The following MARK4 variants were observed in gnomAD, a reference collection of about 807,000 sequenced individuals.
MARK4 encodes the protein MAP/microtubule affinity-regulating kinase 4.
MARK4 carries 19 observed loss-of-function variants against 81.5 expected under a neutral mutation model. The ratio of observed to expected loss-of-function variants is 0.23; its 90% CI spans 0.16 to 0.34. MARK4 has a LOEUF of 0.34. Among genes scored for constraint, MARK4 ranks in the 10% least tolerant of loss-of-function variants. The pLI is 1.00. For missense variants in MARK4, 772 were observed against 1,058.8 expected (o/e 0.73, Z 3.76); for synonymous variants, 436 against 439.0 (o/e 0.99, Z 0.08).
intron 7 of MARK4, among the ~76,000 whole-genome samples, chr19:45,266,506 G>C (rs1970455960): frequency 6.6e-6 from 1 of 152,232 alleles, no homozygotes; most frequent in African/African-American, 2.4e-5. Context: ...GGGACAGGAG[G>C]AGTGAACAAA....
rs1314761401 is a variant in MARK4, at chr19:45,264,679, T to G, written c.356-5T>G. ...AATGCCCTACACTGTTCCCAACCAT[T>G]ATAGTGAAGCTCTTTGAGGTGATTG... On this transcript the variant is annotated splice_region_variant and splice_polypyrimidine_tract_variant and intron_variant, in intron 4 of 16. Coordinates refer to ENST00000262891, the MANE Select transcript of MARK4 (RefSeq NM_001199867.2). The G allele has an allele frequency of 6.2e-7, 1 of 1,613,924 alleles. No individual in the cohort carries two copies. Among genetic ancestry groups the G allele is most frequent in the Non-Finnish European group, 8.5e-7 (1 of 1,179,958 alleles).
At position 45,302,513 on chromosome 19, in the gene MARK4, T is replaced by G; in HGVS notation, c.2062T>G (p.Cys688Gly). Residue 688 changes from cysteine to glycine, a missense_variant, in exon 17 of 17, where the codon TGC (cysteine) becomes GGC (glycine). Cys to Gly is a radical substitution (Grantham distance 159, BLOSUM62 -3). Around this residue, in one of 3 missense-constraint regions of MARK4, gnomAD observed 548 missense variants for 624.3 expected, o/e 0.88. Coordinates refer to ENST00000262891, the MANE Select transcript of MARK4 (RefSeq NM_001199867.2). The surrounding 1 kb of genome is among the most constrained non-coding windows in gnomAD (Gnocchi z 4.9). ...GGCCACAGCAGCCGCCCGCTGCCGCTGCCGCCAGCCACAGCCGTTCCTGCT... is the reference window on the plus strand; with the variant it reads ...GGCCACAGCAGCCGCCCGCTGCCGCGGCCGCCAGCCACAGCCGTTCCTGCT... The part of the protein sequence containing the change: ...RQATAAARCR[C>G]RQPQPFLLAC... 1 of 1,601,068 alleles carries G rather than the reference T, an allele frequency of 6.2e-7. No individual in the cohort carries two copies. The highest frequency in any genetic ancestry group is 8.5e-7 in the Non-Finnish European group (1 of 1,178,674).
intron 4 of MARK4, among the ~76,000 whole-genome samples, chr19:45,263,992 A>G: frequency 6.6e-6 from 1 of 152,154 alleles, no homozygotes; most frequent in East Asian, 1.9e-4. Context: ...CACTGTCATT[A>G]TCATTGGGCA....
Position 45,280,626 on chromosome 19 carries a change from C to T in MARK4, c.1168C>T (p.Pro390Ser), listed in dbSNP as rs1399365099. Residue 390 changes from proline (P) to serine (S), a missense_variant, in exon 12 of 17, where the codon CCC becomes TCC. Pro to Ser is a moderately conservative substitution (Grantham distance 74). Around this residue, in one of 3 missense-constraint regions of MARK4, gnomAD observed 548 missense variants for 624.3 expected, o/e 0.88. Transcript: ENST00000262891. ...GCTGGCCCTGGCACGGGTGCGGGCG[C>T]CCAGCGACACCACCAACGGAACAAG... ...PGLALARVRA[P>S]SDTTNGTSSS... The T allele has an allele frequency of 1.2e-6, 2 of 1,613,950 alleles. No homozygotes were observed. The highest frequency in any genetic ancestry group is 1.7e-6 in the Non-Finnish European group (2 of 1,179,982).
intron 16 of MARK4, among the ~76,000 whole-genome samples, chr19:45,300,399 C>T (rs1287385130): frequency 1.4e-5 from 2 of 139,954 alleles, no homozygotes; most frequent in Non-Finnish European, 3.1e-5. Flanking sequence ...CTCAACTCCT[C>T]TTCTGGTCAA....
chr19:45,253,700 T>C (rs1011845449), intron 1 of MARK4, among the ~76,000 whole-genome samples: 3 of 152,032 alleles, frequency 2.0e-5, no homozygotes, highest in Non-Finnish European at 4.4e-5. Flanking sequence ...GGCCCCCCAC[T>C]GTTAGGGATG....
At position 45,300,799 on chromosome 19, in the gene MARK4, C is replaced by G. The variant is rs971017892; in HGVS notation, c.1922+944C>G. ...CACATGCTCATTCCTAAACCAATGC[C>G]TGCAGCCAGAGAGGAGAAGTACTCT... On this transcript the variant is annotated intron_variant, in intron 16 of 16. Coordinates refer to ENST00000262891, the MANE Select transcript of MARK4 (RefSeq NM_001199867.2). Among the ~76,000 whole-genome samples, 3 of 152,080 alleles carry G rather than the reference C, an allele frequency of 2.0e-5. No homozygotes were observed. The East Asian group carries it at 5.8e-4, about 29-fold the overall frequency.
Position 45,251,443 on chromosome 19 carries a change from T to C in MARK4, c.-146T>C, listed in dbSNP as rs1490665328. ...CCTTCCCCTCCCCCGCCCTGCCCCC[T>C]CTCCCGCCGCGCGGACCCGGGCGTT... On this transcript the variant is annotated 5_prime_UTR_variant, in exon 1 of 17. Coordinates refer to ENST00000262891, the MANE Select transcript of MARK4 (RefSeq NM_001199867.2). 1 of 192,396 alleles carries C rather than the reference T, an allele frequency of 5.2e-6. No individual in the cohort carries two copies. The allele number at this position is 192,396 out of a possible 1,614,324, so 11.9% of individuals were successfully genotyped here.
chr19:45,290,972 G>C (rs1385806275), intron 13 of MARK4, among the ~76,000 whole-genome samples: 1 of 152,216 alleles, frequency 6.6e-6, no homozygotes, highest in Non-Finnish European at 1.5e-5. Context: ...TGGGGAAACA[G>C]ATCTTGAAGG....
In MARK4 at chr19:45,271,833, G is replaced by A. The variant is rs1410368621; in HGVS notation, c.786+125G>A. 2.2e-6 allele frequency: 2 copies of A among 913,470 alleles called. No individual in the cohort carries two copies. Among genetic ancestry groups the A allele is most frequent in the South Asian group, 1.6e-5 (1 of 61,982 alleles). The allele number at this position is 913,470 out of a possible 1,614,324, so 56.6% of individuals were successfully genotyped here. ...GGCCTGAGTTCTCATGGGAAGATGG[G>A]GGATGGGCAGGATTCAAGTCCCCTC... On this transcript the variant is annotated intron_variant, in intron 8 of 16. Transcript: ENST00000262891. This position sits in a 1 kb window ranked among gnomAD's most constrained non-coding sequence, Gnocchi z 4.1.
At chr19:45,298,196 CCT>C in intron 15 of MARK4, 1 of 1,614,106 alleles carries the variant, frequency 6.2e-7, no homozygotes, top group Non-Finnish European at 8.5e-7. Flanking sequence ...GTTTCGGGCG[CCT>C]CTCTGCCCCA....
In MARK4 at chr19:45,287,582, C is replaced by G. The variant is rs757281634; in HGVS notation, c.1412C>G (p.Pro471Arg). The change falls in exon 13 of 17, where the codon CCC becomes CGC. Residue 471 changes from proline to arginine, a missense_variant. Physicochemically the swap from Pro to Arg is moderately radical, Grantham distance 103. Around this residue, in one of 3 missense-constraint regions of MARK4, gnomAD observed 548 missense variants for 624.3 expected, o/e 0.88. Transcript: ENST00000262891. ...TAGSGSRGLP[P>R]SSPMVSSAHN... Reference sequence around the variant, plus strand: ...GGGAGTGGGAGTCGAGGGCTGCCCCCCTCCAGCCCCATGGTCAGCAGCGCC... The same window carrying G: ...GGGAGTGGGAGTCGAGGGCTGCCCCGCTCCAGCCCCATGGTCAGCAGCGCC... The G allele has an allele frequency of 8.8e-6, 14 of 1,597,284 alleles. No individual in the cohort carries two copies. The highest frequency in any genetic ancestry group is 1.7e-5 in the Admixed American group (1 of 58,450).
chr19:45,298,242 T>C, intron 15 of MARK4: 6 of 1,612,852 alleles, frequency 3.7e-6, no homozygotes, highest in Non-Finnish European at 4.2e-6. Context: ...GTCCATGCCC[T>C]GTTCTCGCTG....
chr19:45,294,937 C>T (rs11666411), intron 14 of MARK4, among the ~76,000 whole-genome samples: 46,999 of 151,800 alleles, frequency 0.31, 7,542 homozygotes, highest in South Asian at 0.38. Context: ...GAGGACACTG[C>T]CCCCCACCAG....
intron 16 of MARK4, among the ~76,000 whole-genome samples, chr19:45,301,819 C>G (rs948501719): frequency 4.8e-5 from 7 of 145,928 alleles, no homozygotes; most frequent in African/African-American, 1.8e-4. Flanking sequence ...GAGCCGAGAT[C>G]GTTCCATTGC....
chr19:45,264,073 GTTCA>G (rs903015059), intron 4 of MARK4, among the ~76,000 whole-genome samples: 4 of 152,274 alleles, frequency 2.6e-5, no homozygotes, highest in Middle Eastern at 3.4e-3. Context: ...TGCAGCATTT[GTTCA>G]TTCATTCATT....
intron 13 of MARK4, chr19:45,287,998 G>T: frequency 3.0e-6 from 1 of 336,652 alleles, no homozygotes. Flanking sequence ...TGGCATTTTG[G>T]GAGGCCGAGG....
chr19:45,265,310 G>A (rs1380173714), intron 6 of MARK4, among the ~76,000 whole-genome samples: 1 of 151,762 alleles, frequency 6.6e-6, no homozygotes, highest in African/African-American at 2.4e-5. Context: ...AGGTATGTAG[G>A]TATGTAGGTG....
chr19:45,286,437 C>T (rs960197481), intron 12 of MARK4, among the ~76,000 whole-genome samples: 22 of 149,260 alleles, frequency 1.5e-4, no homozygotes, highest in African/African-American at 4.4e-4. Flanking sequence ...GGACCGGGTG[C>T]GGTGGCTCAC....
Sources: allele counts gnomAD v4.1 joint callset (sites outside exome capture counted in the v4.1 genomes callset), GRCh38; gene constraint gnomAD v4.1.1; regional missense constraint gnomAD v4.1.1; non-coding constraint Gnocchi (gnomAD v3.1); transcripts MANE v1.5; gene names NCBI Gene and HGNC (gene_info 2026-07-23, HGNC 2026-07-21).